Variants in MLIP observed in about 807,000 individuals in gnomAD.
MLIP encodes muscular LMNA-interacting protein.
A neutral mutation model predicts 84.8 loss-of-function variants in MLIP; 79 were observed. The observed-to-expected ratio is 0.93, with a 90% confidence interval of 0.78 to 1.12. The LOEUF is 1.12. Among genes scored for constraint, MLIP ranks in the 50% most tolerant of loss-of-function variants. The pLI, the probability that MLIP is intolerant of heterozygous loss-of-function variation, is 0.00. For synonymous variants in MLIP, 504 were observed against 463.0 expected (o/e 1.09, Z -1.14); for missense variants, 1,257 against 1,160.6 (o/e 1.08, Z -1.21).
intron 11 of MLIP, chr6:54,217,410 GA>G (rs1779927687): frequency 2.0e-6 from 2 of 985,396 alleles, no homozygotes. Flanking sequence ...TGGTTGAGTA[GA>G]AAGTAGGCTT....
chr6:54,156,462 G>A (rs368635933), intron 5 of MLIP, among the ~76,000 whole-genome samples: 2 of 152,042 alleles, frequency 1.3e-5, no homozygotes, highest in Non-Finnish European at 2.9e-5. Context: ...GCCAGAGTAA[G>A]TTTCCACAGA....
chr6:54,152,631 A>G (rs961841990), intron 5 of MLIP, among the ~76,000 whole-genome samples: 1 of 152,130 alleles, frequency 6.6e-6, no homozygotes, highest in Non-Finnish European at 1.5e-5. Flanking sequence ...ATTCTGGGAG[A>G]TACAATTCAA....
intron 11 of MLIP, chr6:54,216,269 C>T (rs1284013692): frequency 1.0e-6 from 1 of 985,242 alleles, no homozygotes; most frequent in Non-Finnish European, 1.2e-6. Flanking sequence ...TTCTCTCTTC[C>T]ATTATGAGCA....
chr6:54,211,100 C>T (rs1327547952), intron 11 of MLIP, among the ~76,000 whole-genome samples: 2 of 151,904 alleles, frequency 1.3e-5, no homozygotes, highest in African/African-American at 2.4e-5. Flanking sequence ...ATTAGCTGGG[C>T]GTGGTGGCGG....
At chr6:54,120,521 G>A (rs560784108) in intron 1 of MLIP, among the ~76,000 whole-genome samples, 1 of 152,310 alleles carries the variant, frequency 6.6e-6, no homozygotes, top group Admixed American at 6.5e-5. Flanking sequence ...TTACAGGCAG[G>A]AGCCACCGCT....
At chr6:54,167,807 G>T (rs897960116) in intron 8 of MLIP, among the ~76,000 whole-genome samples, 6 of 151,846 alleles carry the variant, frequency 4.0e-5, no homozygotes, top group African/African-American at 1.4e-4. Flanking sequence ...ATCTTCAGAT[G>T]ATTTGATATC....
At chr6:54,241,266 G>A (rs902817714) in intron 12 of MLIP, among the ~76,000 whole-genome samples, 3 of 147,032 alleles carry the variant, frequency 2.0e-5, no homozygotes, top group Non-Finnish European at 4.4e-5. Flanking sequence ...TAAGTAAAAG[G>A]AAACACAACT....
At chr6:54,173,740 C>G (rs949253042) in intron 9 of MLIP, among the ~76,000 whole-genome samples, 7 of 151,820 alleles carry the variant, frequency 4.6e-5, no homozygotes, top group Non-Finnish European at 1.0e-4. Context: ...TGATTATACT[C>G]TTTTAGTTAT....
At chr6:54,252,193 A>ATT (rs2150876447) in intron 12 of MLIP, among the ~76,000 whole-genome samples, 1 of 108,450 alleles carries the variant, frequency 9.2e-6, no homozygotes, top group African/African-American at 3.9e-5. Flanking sequence ...ATATAACTAT[A>ATT]ATATATTATA....
At chr6:54,198,835 A>C (rs1778473135) in intron 10 of MLIP, among the ~76,000 whole-genome samples, 1 of 151,902 alleles carries the variant, frequency 6.6e-6, no homozygotes, top group South Asian at 2.1e-4. Flanking sequence ...TTGGCCATGC[A>C]AATTATGGAG....
chr6:54,042,165 C>T (rs1561886154), intron 1 of MLIP, among the ~76,000 whole-genome samples: 1 of 152,116 alleles, frequency 6.6e-6, no homozygotes, highest in Non-Finnish European at 1.5e-5. Context: ...TCCCAACAGC[C>T]TATGCAATTT....
intron 9 of MLIP, among the ~76,000 whole-genome samples, chr6:54,183,672 T>C (rs886930947): frequency 4.6e-5 from 7 of 151,824 alleles, no homozygotes; most frequent in Admixed American, 1.3e-4. Flanking sequence ...ATCTACTCTT[T>C]ATATTAGATA....
intron 9 of MLIP, among the ~76,000 whole-genome samples, chr6:54,180,159 A>G (rs1776711579): frequency 6.6e-6 from 1 of 152,112 alleles, no homozygotes; most frequent in African/African-American, 2.4e-5. Flanking sequence ...CCTGGCCTGT[A>G]ATGTTTCCAC....
At chr6:54,217,444 A>T in intron 11 of MLIP, 2 of 985,440 alleles carry the variant, frequency 2.0e-6, no homozygotes, top group South Asian at 9.4e-5. Context: ...CAAATGCATC[A>T]GATATGGCTA....
chr6:54,033,934 C>T (rs771111545), intron 1 of MLIP, among the ~76,000 whole-genome samples: 2 of 152,156 alleles, frequency 1.3e-5, no homozygotes. Context: ...CTAAATTTAC[C>T]TAACATCTTG....
chr6:54,190,036 A>G lies in MLIP; in HGVS notation c.2589+122A>G, dbSNP rs1285562593. 16 of 720,416 alleles carry G rather than the reference A, an allele frequency of 2.2e-5. No individual in the cohort carries two copies. In the African/African-American group the frequency reaches 2.3e-4, roughly 11 times the overall value. The allele number at this position is 720,416 out of a possible 1,614,324, so 44.6% of individuals were successfully genotyped here. ...ATATTTTTATTCACTTACTTGTCTA[A>G]TAACATTTTACTGATATTTTCCAAA... On this transcript the variant is annotated intron_variant, in intron 10 of 13. Coordinates refer to ENST00000502396, the MANE Select transcript of MLIP (RefSeq NM_001281747.2).
chr6:54,264,248 C>A (rs1486789099), intron 13 of MLIP, among the ~76,000 whole-genome samples: 5 of 151,894 alleles, frequency 3.3e-5, no homozygotes, highest in Non-Finnish European at 5.9e-5. Flanking sequence ...GGCATTTATT[C>A]CAATATTTTA....
chr6:54,148,760 A>G (rs1430701370), intron 4 of MLIP, among the ~76,000 whole-genome samples: 1 of 152,154 alleles, frequency 6.6e-6, no homozygotes, highest in African/African-American at 2.4e-5. Flanking sequence ...AATGCTGCCA[A>G]TGAAAAATTT....
chr6:54,035,855 A>G (rs980679750), intron 1 of MLIP, among the ~76,000 whole-genome samples: 5 of 152,052 alleles, frequency 3.3e-5, no homozygotes, highest in African/African-American at 9.7e-5. Flanking sequence ...TTTAAAAAAT[A>G]TATTCTAGAT....
Sources: allele counts gnomAD v4.1 joint callset (sites outside exome capture counted in the v4.1 genomes callset), GRCh38; gene constraint gnomAD v4.1.1; transcripts MANE v1.5; gene names NCBI Gene and HGNC (gene_info 2026-07-23, HGNC 2026-07-21).